Variants in MEF2A observed in about 807,000 individuals in gnomAD.
The protein encoded by MEF2A is myocyte-specific enhancer factor 2A.
MEF2A carries 28 observed loss-of-function variants against 55.8 expected under a neutral mutation model. The ratio of observed to expected loss-of-function variants is 0.50; its 90% CI spans 0.37 to 0.69. The LOEUF (loss-of-function observed/expected upper bound fraction) is 0.69. Ranked by LOEUF, MEF2A falls within the 30% of genes least tolerant of loss-of-function variation. The probability of loss-of-function intolerance (pLI) is 0.00; values close to 1 mark genes in which losing one functional copy is unlikely to be tolerated. For synonymous variants in MEF2A, 239 were observed against 227.1 expected, an observed-to-expected ratio of 1.05 and a Z score of -0.47; for missense variants, 528 against 626.2, an observed-to-expected ratio of 0.84 and a Z score of 1.67.
chr15:99,628,348 C>A (rs1024711862), intron 2 of MEF2A, among the ~76,000 whole-genome samples: 1 of 151,976 alleles, frequency 6.6e-6, no homozygotes, highest in Non-Finnish European at 1.5e-5. Context: ...AAGATGTGTC[C>A]TCTGTAATCA....
intron 6 of MEF2A, among the ~76,000 whole-genome samples, chr15:99,675,062 C>T (rs1421391861): frequency 6.6e-6 from 1 of 152,096 alleles, no homozygotes; most frequent in South Asian, 2.1e-4. Context: ...TGCAGTGTCT[C>T]CTCTCTCTTA....
At chr15:99,567,447 C>G (rs971938459) in intron 1 of MEF2A, among the ~76,000 whole-genome samples, 2 of 152,136 alleles carry the variant, frequency 1.3e-5, no homozygotes, top group African/African-American at 2.4e-5. Context: ...TTGGCAACTG[C>G]TAAGTACTCT....
intron 8 of MEF2A, among the ~76,000 whole-genome samples, chr15:99,700,734 C>T (rs1170365938): frequency 6.6e-6 from 1 of 151,962 alleles, no homozygotes; most frequent in African/African-American, 2.4e-5. Context: ...ACGGGATGAG[C>T]CGGGGTTGTC....
rs71149483 is a variant in MEF2A, at chr15:99,628,963, A to ATTTTT, written c.-142-4002_-142-3998dup. ...TCTATTTTGCCTTCATTTCAGAAGGATTTTTTTTTTTTTTTTTGTCAGATA... is the reference window on the plus strand; with the variant it reads ...TCTATTTTGCCTTCATTTCAGAAGGATTTTTTTTTTTTTTTTTTTTTTGTCAGATA... On this transcript the variant is annotated intron_variant, in intron 2 of 11. Transcript: ENST00000557942. 6.2e-4 allele frequency among the ~76,000 whole-genome samples: 83 copies of ATTTTT among 133,770 alleles called. 1 individual carries two copies. Among genetic ancestry groups the ATTTTT allele is most frequent in the Middle Eastern group, 3.8e-3 (1 of 264 alleles). The allele number at this position is 133,770 out of a possible 152,430, so 87.8% of individuals were successfully genotyped here. A position where few individuals can be genotyped will look rare whatever the true frequency, so the allele number is the denominator to read the frequency against.
intron 9 of MEF2A, among the ~76,000 whole-genome samples, chr15:99,705,476 C>T (rs1232930775): frequency 6.6e-6 from 1 of 152,176 alleles, no homozygotes; most frequent in Non-Finnish European, 1.5e-5. Flanking sequence ...CTTTATTTGA[C>T]AATGAAGAAG....
chr15:99,617,718 CTT>C (rs1477180400), intron 2 of MEF2A, among the ~76,000 whole-genome samples: 1 of 152,048 alleles, frequency 6.6e-6, no homozygotes, highest in Non-Finnish European at 1.5e-5. Flanking sequence ...TTCTTCCACT[CTT>C]TCATTCTAAA....
chr15:99,656,713 C>T (rs1207157045), intron 4 of MEF2A, among the ~76,000 whole-genome samples: 1 of 152,088 alleles, frequency 6.6e-6, no homozygotes, highest in Non-Finnish European at 1.5e-5. Flanking sequence ...ACATCCTTAA[C>T]TATCATGTGA....
intron 1 of MEF2A, among the ~76,000 whole-genome samples, chr15:99,592,162 C>G (rs1035860429): frequency 2.6e-5 from 4 of 152,092 alleles, no homozygotes; most frequent in African/African-American, 7.2e-5. Flanking sequence ...TCTGGCAGAT[C>G]TAGTGTAGCC....
At chr15:99,569,888 A>G (rs974648072) in intron 1 of MEF2A, among the ~76,000 whole-genome samples, 2 of 152,016 alleles carry the variant, frequency 1.3e-5, no homozygotes, top group East Asian at 1.9e-4. Flanking sequence ...CTTATAATAA[A>G]TGGACCTTGT....
intron 2 of MEF2A, among the ~76,000 whole-genome samples, chr15:99,604,464 C>G (rs149596396): frequency 6.6e-6 from 1 of 152,118 alleles, no homozygotes; most frequent in African/African-American, 2.4e-5. Context: ...TTTTTCATTT[C>G]TGGAAGTTTT....
At chr15:99,618,758 C>G (rs934887447) in intron 2 of MEF2A, among the ~76,000 whole-genome samples, 1 of 152,092 alleles carries the variant, frequency 6.6e-6, no homozygotes, top group African/African-American at 2.4e-5. Flanking sequence ...ATTGATGAAT[C>G]TAGGTAATAG....
Position 99,579,863 on chromosome 15 carries a change from C to A in MEF2A, c.-225+13759C>A, listed in dbSNP as rs963894574. On this transcript the variant is annotated intron_variant, in intron 1 of 11. Coordinates refer to ENST00000557942, the MANE Select transcript of MEF2A (RefSeq NM_001319206.4). ...ATGAGTCTTTTAAGGTCTTGTAGGA[C>A]CTTAACTATTCCCTTTTCTTTTTCC... Among the ~76,000 whole-genome samples the A allele has an allele frequency of 2.6e-5, 4 of 152,006 alleles. No individual in the cohort carries two copies. The East Asian group carries it at 7.7e-4, about 29-fold the overall frequency.
At chr15:99,670,799 A>G (rs961135459) in intron 4 of MEF2A, among the ~76,000 whole-genome samples, 2 of 152,242 alleles carry the variant, frequency 1.3e-5, no homozygotes, top group East Asian at 1.9e-4. Flanking sequence ...TTGTATTTCA[A>G]AGTTATACAG....
At chr15:99,644,805 T>C (rs1165194285) in intron 3 of MEF2A, among the ~76,000 whole-genome samples, 1 of 152,150 alleles carries the variant, frequency 6.6e-6, no homozygotes, top group African/African-American at 2.4e-5. Context: ...AGAAGAGGGA[T>C]CAAGGGTAAC....
chr15:99,651,707 C>T, intron 4 of MEF2A, among the ~76,000 whole-genome samples: 1 of 152,132 alleles, frequency 6.6e-6, no homozygotes, highest in East Asian at 1.9e-4. Context: ...AGTTTTACTA[C>T]TTTTATTTTG....
chr15:99,635,676 A>G (rs2043678955), intron 3 of MEF2A, among the ~76,000 whole-genome samples: 1 of 152,190 alleles, frequency 6.6e-6, no homozygotes, highest in African/African-American at 2.4e-5. Flanking sequence ...TTGAGTTTAT[A>G]TGAACAGTGT....
chr15:99,674,784 T>C (rs2051596475), intron 6 of MEF2A, among the ~76,000 whole-genome samples, 172 bp downstream of exon 6: 1 of 152,196 alleles, frequency 6.6e-6, no homozygotes, highest in Non-Finnish European at 1.5e-5. Context: ...ATTGTGGGTG[T>C]AGCATTGTGT....
intron 2 of MEF2A, among the ~76,000 whole-genome samples, chr15:99,620,217 G>A (rs918795797): frequency 6.6e-6 from 1 of 152,122 alleles, no homozygotes. Flanking sequence ...TTTTGGTTCA[G>A]GGGTATGTGT....
intron 3 of MEF2A, among the ~76,000 whole-genome samples, chr15:99,642,210 C>T (rs926454749): frequency 6.6e-6 from 1 of 152,152 alleles, no homozygotes; most frequent in African/African-American, 2.4e-5. Context: ...AGAATTCTAA[C>T]ACCAGACTGA....
Sources: allele counts gnomAD v4.1 joint callset (sites outside exome capture counted in the v4.1 genomes callset), GRCh38; gene constraint gnomAD v4.1.1; transcripts MANE v1.5; gene names NCBI Gene and HGNC (gene_info 2026-07-23, HGNC 2026-07-21).